The following SENP7 variants were observed in gnomAD, a reference collection of about 807,000 sequenced individuals.
SENP7 encodes SUMO specific peptidase 7, also known as sentrin-specific protease 7.
A neutral mutation model predicts 141.2 loss-of-function variants in SENP7; 64 were observed. The ratio of observed to expected loss-of-function variants is 0.45; its 90% CI spans 0.37 to 0.56. The LOEUF is 0.56. Among genes scored for constraint, SENP7 ranks in the 20% least tolerant of loss-of-function variants. The pLI is 0.00. For missense variants in SENP7, 1,025 were observed against 1,212.2 expected, an observed-to-expected ratio of 0.85 and a Z score of 2.29; for synonymous variants, 382 against 426.4, an observed-to-expected ratio of 0.90 and a Z score of 1.28.
At chr3:101,498,291 A>T (rs2065238243) in intron 2 of SENP7, among the ~76,000 whole-genome samples, 1 of 152,208 alleles carries the variant, frequency 6.6e-6, no homozygotes, top group African/African-American at 2.4e-5. Context: ...TATAAAGAGG[A>T]AAAAAGTAAC....
intron 4 of SENP7, among the ~76,000 whole-genome samples, chr3:101,440,004 C>G (rs2062591476): frequency 2.4e-5 from 2 of 81,664 alleles, no homozygotes; most frequent in African/African-American, 7.6e-5. Flanking sequence ...AGGGGCGCCT[C>G]TGCCCGGCCG....
chr3:101,325,991 C>A lies in SENP7; in HGVS notation c.3105G>T (p.Glu1035Asp), dbSNP rs201515137. Residue 1035 changes from glutamate to aspartate, a missense_variant, in exon 24 of 24, where the codon GAG (glutamate) becomes GAT (aspartate). Physicochemically the swap from Glu to Asp is conservative, Grantham distance 45 (BLOSUM62 2). Coordinates refer to ENST00000394095, the MANE Select transcript of SENP7 (RefSeq NM_020654.5). ...GCTGTAAATGAAGTTTCAAGATGAG[C>A]TCTCGAATATCTTCCCGTTTGGTCT... The part of the protein sequence containing the change: ...VIKTKREDIR[E>D]LILKLHLQQQ... 357 of 1,610,906 alleles carry A rather than the reference C, an allele frequency of 2.2e-4. No homozygotes were observed. The highest frequency in any genetic ancestry group is 3.0e-4 in the Non-Finnish European group (348 of 1,178,414).
intron 6 of SENP7, among the ~76,000 whole-genome samples, chr3:101,381,358 GC>G (rs2060496706): frequency 6.6e-6 from 1 of 151,848 alleles, no homozygotes; most frequent in African/African-American, 2.4e-5. Flanking sequence ...TATCTCATAG[GC>G]CTAAAGTAAA....
chr3:101,406,016 G>GA (rs1446556688), intron 5 of SENP7, among the ~76,000 whole-genome samples: 2 of 152,184 alleles, frequency 1.3e-5, no homozygotes, highest in African/African-American at 2.4e-5. Context: ...CACTGTGGAA[G>GA]AGAGTGTGGT....
intron 3 of SENP7, among the ~76,000 whole-genome samples, chr3:101,462,025 T>G (rs576688119): frequency 1.3e-5 from 2 of 152,186 alleles, no homozygotes; most frequent in East Asian, 1.9e-4. Flanking sequence ...AATAGAGAGA[T>G]AAATTAAGAA....
intron 3 of SENP7, among the ~76,000 whole-genome samples, chr3:101,490,050 G>T (rs1408649560): frequency 6.6e-6 from 1 of 152,088 alleles, no homozygotes; most frequent in African/African-American, 2.4e-5. Flanking sequence ...CCGATGTGGT[G>T]GTGCATGCCT....
At chr3:101,462,622 C>T (rs2063584629) in intron 3 of SENP7, among the ~76,000 whole-genome samples, 1 of 151,904 alleles carries the variant, frequency 6.6e-6, no homozygotes, top group South Asian at 2.1e-4. Flanking sequence ...AATCCCAGCA[C>T]TTTGGGAGGC....
At chr3:101,472,125 C>T (rs975150147) in intron 3 of SENP7, among the ~76,000 whole-genome samples, 2 of 152,284 alleles carry the variant, frequency 1.3e-5, no homozygotes, top group Admixed American at 1.3e-4. Flanking sequence ...CTGGAATTAC[C>T]ATTTGACTGA....
chr3:101,416,276 G>A (rs112674696), intron 5 of SENP7, among the ~76,000 whole-genome samples: 2,790 of 152,194 alleles, frequency 0.018, 31 homozygotes, highest in Non-Finnish European at 0.027. Context: ...TGAATTTCAT[G>A]AGCACATAAT....
At chr3:101,505,514 GT>G (rs1471417245) in intron 1 of SENP7, among the ~76,000 whole-genome samples, 2 of 151,918 alleles carry the variant, frequency 1.3e-5, no homozygotes. Context: ...AAATATTTAT[GT>G]TTTTTTCTTC....
intron 7 of SENP7, among the ~76,000 whole-genome samples, chr3:101,369,269 T>G (rs2060118732): frequency 6.6e-6 from 1 of 152,188 alleles, no homozygotes; most frequent in Non-Finnish European, 1.5e-5. Context: ...ACAAAGCAGT[T>G]GCCTTTAATT....
chr3:101,480,976 C>CA (rs1181881454), intron 3 of SENP7, among the ~76,000 whole-genome samples: 84 of 144,226 alleles, frequency 5.8e-4, no homozygotes, highest in African/African-American at 2.0e-3. Flanking sequence ...AAAAAAAAAA[C>CA]AGATGCTGGT....
intron 5 of SENP7, among the ~76,000 whole-genome samples, chr3:101,402,532 G>C (rs2061176226): frequency 2.0e-5 from 2 of 97,652 alleles, no homozygotes; most frequent in Admixed American, 1.7e-4. Context: ...TGAGGCAGGA[G>C]AATCGCTTGA....
chr3:101,333,537 A>C (rs1171458459), intron 17 of SENP7, among the ~76,000 whole-genome samples: 1 of 152,132 alleles, frequency 6.6e-6, no homozygotes, highest in Non-Finnish European at 1.5e-5. Context: ...AAAATAAATT[A>C]ATCAGTTAAC....
intron 3 of SENP7, among the ~76,000 whole-genome samples, chr3:101,484,419 T>C (rs1212368013): frequency 6.6e-6 from 1 of 152,186 alleles, no homozygotes; most frequent in Non-Finnish European, 1.5e-5. Flanking sequence ...GCAGAGCAGC[T>C]TGCAGAAGCT....
At chr3:101,429,617 C>T (rs1018731098) in intron 4 of SENP7, among the ~76,000 whole-genome samples, 3 of 152,136 alleles carry the variant, frequency 2.0e-5, no homozygotes, top group Non-Finnish European at 4.4e-5. Context: ...CCTAAATATA[C>T]AATCATGCCA....
intron 5 of SENP7, among the ~76,000 whole-genome samples, chr3:101,400,721 A>T (rs1256552251): frequency 2.6e-5 from 2 of 77,318 alleles, no homozygotes; most frequent in Non-Finnish European, 4.9e-5. Flanking sequence ...GCAATGTTGA[A>T]ATTATGCCAA....
chr3:101,444,637 C>T (rs1342218062), intron 4 of SENP7, among the ~76,000 whole-genome samples: 1 of 149,512 alleles, frequency 6.7e-6, no homozygotes, highest in Non-Finnish European at 1.5e-5. Flanking sequence ...TAAACTATCG[C>T]AAGAACAAAA....
At chr3:101,383,702 CT>C (rs1221311746) in intron 6 of SENP7, among the ~76,000 whole-genome samples, 1 of 152,238 alleles carries the variant, frequency 6.6e-6, no homozygotes, top group African/African-American at 2.4e-5. Context: ...CCCCTCTGGA[CT>C]TTGGGGGCCA....
Sources: gnomAD v4.1 joint callset for allele counts (sites outside exome capture counted in the v4.1 genomes callset) on GRCh38, gnomAD v4.1.1 for gene constraint, MANE v1.5 for transcripts, NCBI Gene and HGNC (gene_info 2026-07-23, HGNC 2026-07-21) for gene names.